NR1H4: variants seen among roughly 807,000 people sequenced by gnomAD.
The protein encoded by NR1H4 is nuclear receptor subfamily 1 group H member 4.
A neutral mutation model predicts 58.5 loss-of-function variants in NR1H4; 23 were observed. That is an observed-to-expected ratio of 0.39 (90% CI 0.28 to 0.56). The LOEUF (loss-of-function observed/expected upper bound fraction) is 0.56, where lower values mean the gene tolerates loss of function less well. NR1H4 is among the 20% of genes least tolerant of loss of function. NR1H4 has a pLI of 0.58. For synonymous variants in NR1H4, 214 were observed against 198.0 expected, an observed-to-expected ratio of 1.08 and a Z score of -0.68; for missense variants, 487 against 576.9, an observed-to-expected ratio of 0.84 and a Z score of 1.60.
intron 9 of NR1H4, among the ~76,000 whole-genome samples, chr12:100,541,849 G>A (rs1301178906): frequency 6.6e-6 from 1 of 151,380 alleles, no homozygotes; most frequent in Non-Finnish European, 1.5e-5. Flanking sequence ...CACCTACCTC[G>A]GCCTCCCAAA....
chr12:100,508,259 A>T (rs1954016573), intron 3 of NR1H4, among the ~76,000 whole-genome samples: 1 of 152,014 alleles, frequency 6.6e-6, no homozygotes, highest in African/African-American at 2.4e-5. Context: ...CAGGTGGGAG[A>T]AGTCCTGAGT....
intron 3 of NR1H4, among the ~76,000 whole-genome samples, chr12:100,494,876 A>G (rs1481061876): frequency 2.0e-5 from 3 of 152,340 alleles, no homozygotes; most frequent in East Asian, 3.9e-4. Context: ...GTAAAATTTT[A>G]TGATTGTAGG....
intron 1 of NR1H4, among the ~76,000 whole-genome samples, chr12:100,481,045 T>G (rs2136071495): frequency 6.6e-6 from 1 of 152,334 alleles, no homozygotes; most frequent in South Asian, 2.1e-4. Flanking sequence ...AAAGCCTGGC[T>G]TAGAAGTCCC....
chr12:100,547,581 T>A (rs1453875398), intron 9 of NR1H4, among the ~76,000 whole-genome samples: 1 of 152,082 alleles, frequency 6.6e-6, no homozygotes, highest in Non-Finnish European at 1.5e-5. Flanking sequence ...ACACAAAAGC[T>A]TCCAAAACCA....
Position 100,511,173 on chromosome 12 carries a change from T to C in NR1H4, c.445+30T>C, listed in dbSNP as rs759265099. 4 of 1,614,014 alleles carry C rather than the reference T, an allele frequency of 2.5e-6. No individual in the cohort carries two copies. The East Asian group carries it at 6.7e-5, about 27-fold the overall frequency. On this transcript the variant is annotated intron_variant, in intron 4 of 10. Transcript: ENST00000392986. ...GCATCTTTGATTGGCAGTTTTCTCC[T>C]TCAGGTTTTACTATATTGGTTGTTG...
At chr12:100,534,136 A>G (rs966425095) in intron 5 of NR1H4, among the ~76,000 whole-genome samples, 1 of 150,030 alleles carries the variant, frequency 6.7e-6, no homozygotes, top group Non-Finnish European at 1.5e-5. Context: ...GACCTCATCC[A>G]CCCGCCTCGG....
At chr12:100,493,232 G>T (rs142896466) in intron 2 of NR1H4, 38 bp from the exon 3 acceptor site, 27 of 729,934 alleles carry the variant, frequency 3.7e-5, no homozygotes, top group Non-Finnish European at 4.7e-5. Context: ...AACCCTTCCC[G>T]CATTCCCACA....
At chr12:100,511,264 A>G in intron 4 of NR1H4, 121 bp downstream of exon 4, 1 of 1,145,286 alleles carries the variant, frequency 8.7e-7, no homozygotes, top group African/African-American at 1.5e-5. Flanking sequence ...CTGTGCGCCT[A>G]CCTCCTCCTA....
chr12:100,543,350 C>G (rs1423591277), intron 9 of NR1H4, among the ~76,000 whole-genome samples: 1 of 151,976 alleles, frequency 6.6e-6, no homozygotes, highest in Non-Finnish European at 1.5e-5. Context: ...GGGAAAATGT[C>G]AAAATTAAGC....
intron 4 of NR1H4, among the ~76,000 whole-genome samples, chr12:100,520,897 A>C (rs1954399249): frequency 6.6e-6 from 1 of 152,218 alleles, no homozygotes; most frequent in East Asian, 1.9e-4. Context: ...GAGGTGCAGA[A>C]GATATAAAGC....
rs1367986455 is a variant in NR1H4, at chr12:100,535,750, A to G, written c.732+727A>G. Among the ~76,000 whole-genome samples the G allele has an allele frequency of 2.6e-5, 4 of 152,228 alleles. No homozygotes were observed. In the East Asian group the frequency reaches 5.8e-4, roughly 22 times the overall value. On this transcript the variant is annotated intron_variant, in intron 6 of 10. Coordinates refer to ENST00000392986, the MANE Select transcript of NR1H4 (RefSeq NM_001206979.2). ...TTTTATATGAAAGCATTATTTTGCC[A>G]TAGTGCTTCATCAGTAACACTTTGG... is the stretch of plus-strand genomic sequence containing the variant.
chr12:100,557,234 C>T (rs1443125063), intron 9 of NR1H4, among the ~76,000 whole-genome samples: 5 of 150,276 alleles, frequency 3.3e-5, no homozygotes, highest in Non-Finnish European at 5.9e-5. Flanking sequence ...AGCTTTTACT[C>T]ATGGTGGAAG....
chr12:100,560,411 G>A (rs1214972627), intron 9 of NR1H4, among the ~76,000 whole-genome samples: 4 of 152,082 alleles, frequency 2.6e-5, no homozygotes, highest in African/African-American at 4.8e-5. Context: ...CACTCACTGC[G>A]AAGATCTGCA....
intron 1 of NR1H4, among the ~76,000 whole-genome samples, chr12:100,474,848 A>G (rs1300964972): frequency 6.6e-6 from 1 of 152,190 alleles, no homozygotes; most frequent in Non-Finnish European, 1.5e-5. Flanking sequence ...TAAGAAACTC[A>G]CACCTGAGCT....
At chr12:100,509,772 A>G (rs1305905301) in intron 3 of NR1H4, among the ~76,000 whole-genome samples, 1 of 152,238 alleles carries the variant, frequency 6.6e-6, no homozygotes, top group African/African-American at 2.4e-5. Context: ...ACATATACAC[A>G]TGGCAAAAAC....
At chr12:100,474,577 A>G (rs1456567164) in intron 1 of NR1H4, among the ~76,000 whole-genome samples, 1 of 152,200 alleles carries the variant, frequency 6.6e-6, no homozygotes, top group African/African-American at 2.4e-5. Context: ...AAACTCTTCT[A>G]TTGCTTTCCA....
At chr12:100,518,379 A>C (rs1954320672) in intron 4 of NR1H4, among the ~76,000 whole-genome samples, 1 of 152,194 alleles carries the variant, frequency 6.6e-6, no homozygotes, top group Admixed American at 6.5e-5. Flanking sequence ...AAGAGAGCCA[A>C]CCTTTGGGGA....
At chr12:100,560,965 A>G (rs1347989940) in intron 9 of NR1H4, among the ~76,000 whole-genome samples, 1 of 151,848 alleles carries the variant, frequency 6.6e-6, no homozygotes, top group Non-Finnish European at 1.5e-5. Flanking sequence ...AAAGAAGTGG[A>G]TTTGGAGAAA....
At chr12:100,516,196 G>T (rs1293990037) in intron 4 of NR1H4, among the ~76,000 whole-genome samples, 1 of 152,172 alleles carries the variant, frequency 6.6e-6, no homozygotes, top group Non-Finnish European at 1.5e-5. Flanking sequence ...AGAATAAAAT[G>T]TAGACTTGAA....
Sources: allele counts gnomAD v4.1 joint callset (sites outside exome capture counted in the v4.1 genomes callset), GRCh38; gene constraint gnomAD v4.1.1; transcripts MANE v1.5; gene names NCBI Gene and HGNC (gene_info 2026-07-23, HGNC 2026-07-21).